SNTB1: variants seen among roughly 807,000 people sequenced by gnomAD.
SNTB1 encodes syntrophin beta 1.
In SNTB1, 36 loss-of-function variants were observed where a neutral mutation model predicts 48.9. The ratio of observed to expected loss-of-function variants is 0.74; its 90% CI spans 0.56 to 0.97. The LOEUF is 0.97. SNTB1 is among the 50% of genes least tolerant of loss of function. The pLI is 0.00. For missense variants in SNTB1, 786 were observed against 703.4 expected (o/e 1.12, Z -1.33); for synonymous variants, 299 against 294.6 (o/e 1.01, Z -0.15).
intron 1 of SNTB1, among the ~76,000 whole-genome samples, chr8:120,718,195 G>C (rs889128547): frequency 6.6e-6 from 1 of 152,212 alleles, no homozygotes; most frequent in Non-Finnish European, 1.5e-5. Flanking sequence ...AAGGCTCCAA[G>C]CTTGGGCCCA....
chr8:120,573,436 T>G (rs1006765492), intron 4 of SNTB1, among the ~76,000 whole-genome samples: 7 of 152,192 alleles, frequency 4.6e-5, no homozygotes, highest in Admixed American at 2.6e-4. Context: ...TTATATATTT[T>G]GGATATTAAC....
intron 1 of SNTB1, among the ~76,000 whole-genome samples, chr8:120,762,420 T>G (rs1345704494): frequency 6.6e-6 from 1 of 152,120 alleles, no homozygotes; most frequent in Non-Finnish European, 1.5e-5. Context: ...CTAATCAGAA[T>G]GAAAAGCAGG....
chr8:120,774,560 T>A (rs1819699180), intron 1 of SNTB1, among the ~76,000 whole-genome samples: 1 of 151,696 alleles, frequency 6.6e-6, no homozygotes, highest in Non-Finnish European at 1.5e-5. Context: ...GAGAGAGGAG[T>A]GTAAGGTGAA....
At chr8:120,687,571 T>C (rs10283394) in intron 2 of SNTB1, among the ~76,000 whole-genome samples, 9,549 of 152,250 alleles carry the variant, frequency 0.063, 726 homozygotes, top group East Asian at 0.39. Flanking sequence ...TTTCCTAAGG[T>C]CTATTAGCAC....
intron 1 of SNTB1, among the ~76,000 whole-genome samples, chr8:120,731,837 T>C (rs1434986190): frequency 1.3e-5 from 2 of 152,254 alleles, no homozygotes; most frequent in Admixed American, 1.3e-4. Context: ...GTTATGATTA[T>C]GACTTGTTGA....
At chr8:120,736,127 A>G (rs1250948833) in intron 1 of SNTB1, among the ~76,000 whole-genome samples, 3 of 152,166 alleles carry the variant, frequency 2.0e-5, no homozygotes, top group Non-Finnish European at 2.9e-5. Flanking sequence ...GCCGAGTGAC[A>G]GTGGGAAGAA....
chr8:120,693,893 TCTC>T lies in SNTB1; in HGVS notation c.584_586del (p.Arg195_Glu196delinsGln). The T allele has an allele frequency of 6.2e-7, 1 of 1,613,864 alleles. No individual in the cohort carries two copies. On this transcript the variant is annotated inframe_deletion, in exon 2 of 7. Coordinates refer to ENST00000517992, the MANE Select transcript of SNTB1 (RefSeq NM_021021.4). Reference sequence around the variant, plus strand: ...TCCTTTCTTCACATAGGGCGTGGCTTCTCGCATGTACTTCACTGCAAGGAAAAA... The same window carrying T: ...TCCTTTCTTCACATAGGGCGTGGCTTGCATGTACTTCACTGCAAGGAAAAA...
At chr8:120,607,825 G>A (rs969751293) in intron 3 of SNTB1, among the ~76,000 whole-genome samples, 4 of 152,196 alleles carry the variant, frequency 2.6e-5, no homozygotes, top group Non-Finnish European at 4.4e-5. Flanking sequence ...CTCCACAGGT[G>A]GTTCCTGCAA....
intron 2 of SNTB1, among the ~76,000 whole-genome samples, chr8:120,649,456 G>T (rs1340345384): frequency 2.9e-5 from 4 of 138,634 alleles, no homozygotes; most frequent in Admixed American, 7.3e-5. Flanking sequence ...CCTGCTGGGG[G>T]GTGCCTCCCA....
intron 1 of SNTB1, among the ~76,000 whole-genome samples, chr8:120,694,639 G>A (rs1176834489): frequency 6.6e-6 from 1 of 151,446 alleles, no homozygotes; most frequent in Non-Finnish European, 1.5e-5. Context: ...GGAAAGACCT[G>A]TAAGATCTAT....
In SNTB1 at chr8:120,680,321, C is replaced by A. The variant is rs572167821; in HGVS notation, c.788+13371G>T. Among the ~76,000 whole-genome samples, 65 of 152,320 alleles carry A rather than the reference C, an allele frequency of 4.3e-4. 1 individual carries two copies. Among genetic ancestry groups the A allele is most frequent in the South Asian group, 1.5e-3 (7 of 4,808 alleles). On this transcript the variant is annotated intron_variant, in intron 2 of 6. Transcript: ENST00000517992. The stretch of plus-strand genomic sequence containing the variant: ...CTGTCATTGATTGATGCAGCCTCAA[C>A]ATCCAGCAAAGAACCAAGACGACTG...
intron 1 of SNTB1, among the ~76,000 whole-genome samples, chr8:120,746,194 C>G (rs1819122917): frequency 1.3e-5 from 2 of 152,138 alleles, no homozygotes; most frequent in Admixed American, 6.5e-5. Flanking sequence ...TCCTCCTCCT[C>G]AGCCTACTCA....
At chr8:120,649,150 G>A (rs1239534572) in intron 2 of SNTB1, among the ~76,000 whole-genome samples, 2 of 150,622 alleles carry the variant, frequency 1.3e-5, no homozygotes, top group Admixed American at 6.6e-5. Flanking sequence ...ATCGTCTGAA[G>A]CCTTCTTCTC....
intron 1 of SNTB1, among the ~76,000 whole-genome samples, chr8:120,804,654 A>G (rs954186052): frequency 1.3e-5 from 2 of 152,142 alleles, no homozygotes; most frequent in Non-Finnish European, 2.9e-5. Flanking sequence ...CTTAAATGCA[A>G]AACTGAGCAT....
chr8:120,726,429 T>A (rs954401499), intron 1 of SNTB1, among the ~76,000 whole-genome samples: 5 of 152,302 alleles, frequency 3.3e-5, no homozygotes, highest in African/African-American at 9.6e-5. Context: ...CAACCCTCTG[T>A]GGATTAAACT....
chr8:120,546,250 G>A (rs1005603514), intron 5 of SNTB1, among the ~76,000 whole-genome samples: 42 of 152,334 alleles, frequency 2.8e-4, no homozygotes, highest in African/African-American at 9.4e-4. Context: ...AGGAGACCTG[G>A]AAGAGGTTGG....
intron 1 of SNTB1, among the ~76,000 whole-genome samples, chr8:120,709,440 G>A (rs1214538409): frequency 6.6e-6 from 1 of 152,184 alleles, no homozygotes; most frequent in Non-Finnish European, 1.5e-5. Flanking sequence ...AGAATTATGA[G>A]TCTGAAGCTT....
chr8:120,796,091 C>A (rs185528116), intron 1 of SNTB1, among the ~76,000 whole-genome samples: 48 of 152,014 alleles, frequency 3.2e-4, no homozygotes, highest in Middle Eastern at 3.4e-3. Flanking sequence ...CCTTGCTGTT[C>A]TCATGATAGT....
chr8:120,638,571 G>A (rs1201283544), intron 2 of SNTB1, among the ~76,000 whole-genome samples: 4 of 151,840 alleles, frequency 2.6e-5, no homozygotes, highest in African/African-American at 7.2e-5. Flanking sequence ...CTCACCCCAC[G>A]ACAGGCCCCG....
Sources: allele counts gnomAD v4.1 joint callset (sites outside exome capture counted in the v4.1 genomes callset), GRCh38; gene constraint gnomAD v4.1.1; transcripts MANE v1.5; gene names NCBI Gene and HGNC (gene_info 2026-07-23, HGNC 2026-07-21).